The following GPR39 variants were observed in gnomAD, a reference collection of about 807,000 sequenced individuals.
GPR39 encodes G protein-coupled receptor 39, also known as zinc sensing receptor.
A neutral mutation model predicts 18.4 loss-of-function variants in GPR39; 23 were observed. That is an observed-to-expected ratio of 1.25 (90% CI 0.90 to 1.77). The LOEUF (loss-of-function observed/expected upper bound fraction) is 1.77. GPR39 is among the 40% of genes most tolerant of loss of function. GPR39 has a pLI of 0.00. For synonymous variants in GPR39, 280 were observed against 257.9 expected, an observed-to-expected ratio of 1.09 and a Z score of -0.82; for missense variants, 647 against 602.4, an observed-to-expected ratio of 1.07 and a Z score of -0.78.
In GPR39 at chr2:132,494,689, A is replaced by G. The variant is rs534881605; in HGVS notation, c.856+76791A>G. ...TCCTATTTCTAGCAGATCATATAAC[A>G]TCCAGGCATGGGTTTTTGTGTGAAT... On this transcript the variant is annotated intron_variant, in intron 1 of 1. Transcript: ENST00000329321. 2.6e-5 allele frequency among the ~76,000 whole-genome samples: 4 copies of G among 152,310 alleles called. No homozygotes were observed. In the South Asian group the frequency reaches 8.3e-4, roughly 32 times the overall value.
At chr2:132,488,871 G>C (rs914039118) in intron 1 of GPR39, 1 of 159,826 alleles carries the variant, frequency 6.3e-6, no homozygotes, top group African/African-American at 2.5e-5. Context: ...CTCCCTGCAA[G>C]GGAGGGTGGG....
chr2:132,509,533 CATACTT>C (rs1558820954), intron 1 of GPR39, among the ~76,000 whole-genome samples: 2 of 151,886 alleles, frequency 1.3e-5, no homozygotes, highest in African/African-American at 2.4e-5. Context: ...GACATAGAGA[CATACTT>C]ATAAGTAGTA....
At chr2:132,469,678 T>C (rs1232834260) in intron 1 of GPR39, among the ~76,000 whole-genome samples, 2 of 152,154 alleles carry the variant, frequency 1.3e-5, no homozygotes, top group Non-Finnish European at 2.9e-5. Flanking sequence ...ATCAGCAGCC[T>C]TCACTCCCGC....
chr2:132,506,735 C>T (rs1305284302), intron 1 of GPR39, among the ~76,000 whole-genome samples: 1 of 152,144 alleles, frequency 6.6e-6, no homozygotes. Context: ...ATCTAATTAC[C>T]TCCCACCAGA....
chr2:132,515,312 A>T (rs1027649281), intron 1 of GPR39, among the ~76,000 whole-genome samples: 16 of 152,214 alleles, frequency 1.1e-4, no homozygotes, highest in Non-Finnish European at 1.9e-4. Flanking sequence ...TTAGTTATTG[A>T]CTGACCATTT....
At chr2:132,584,719 G>A (rs914910880) in intron 1 of GPR39, among the ~76,000 whole-genome samples, 10 of 152,158 alleles carry the variant, frequency 6.6e-5, no homozygotes, top group Non-Finnish European at 7.3e-5. Context: ...ACACCGTTTC[G>A]AAAAGCAGGC....
At chr2:132,616,510 T>A (rs1207632969) in intron 1 of GPR39, among the ~76,000 whole-genome samples, 4 of 152,180 alleles carry the variant, frequency 2.6e-5, no homozygotes. Context: ...CTAGAGGTAA[T>A]GTGAAGGAAA....
At chr2:132,549,056 C>G (rs980345396) in intron 1 of GPR39, among the ~76,000 whole-genome samples, 1 of 152,114 alleles carries the variant, frequency 6.6e-6, no homozygotes, top group African/African-American at 2.4e-5. Context: ...TTCAGAGCAG[C>G]TAATATCCTC....
At chr2:132,435,911 C>T (rs1179790388) in intron 1 of GPR39, among the ~76,000 whole-genome samples, 1 of 152,082 alleles carries the variant, frequency 6.6e-6, no homozygotes, top group African/African-American at 2.4e-5. Context: ...GCTTTTCATT[C>T]CATTGTATGT....
At chr2:132,605,753 C>G (rs534291839) in intron 1 of GPR39, among the ~76,000 whole-genome samples, 1 of 152,138 alleles carries the variant, frequency 6.6e-6, no homozygotes, top group Non-Finnish European at 1.5e-5. Context: ...GGTGTTCAGT[C>G]GGCTGAGCAG....
In GPR39 at chr2:132,469,445, G is replaced by A. The variant is rs192425468; in HGVS notation, c.856+51547G>A. 5.3e-5 allele frequency among the ~76,000 whole-genome samples: 8 copies of A among 152,330 alleles called. No individual in the cohort carries two copies. In the East Asian group the frequency reaches 1.5e-3, roughly 29 times the overall value. On this transcript the variant is annotated intron_variant, in intron 1 of 1. Transcript: ENST00000329321. ...GAGTGCTTTTGGAATACATTACAGG[G>A]TAATTCCCTTTGCCCTTTATTGCCT...
chr2:132,508,148 A>G (rs1461442627), intron 1 of GPR39, among the ~76,000 whole-genome samples: 1 of 152,084 alleles, frequency 6.6e-6, no homozygotes, highest in African/African-American at 2.4e-5. Context: ...ATTAGCATAA[A>G]CTCAGATGCG....
At chr2:132,431,408 TAA>T (rs1258807212) in intron 1 of GPR39, among the ~76,000 whole-genome samples, 1 of 152,252 alleles carries the variant, frequency 6.6e-6, no homozygotes, top group Non-Finnish European at 1.5e-5. Flanking sequence ...TCTGGAAATC[TAA>T]AAAGTTATTT....
intron 1 of GPR39, among the ~76,000 whole-genome samples, chr2:132,513,418 G>C (rs1310552040): frequency 1.3e-5 from 2 of 151,526 alleles, no homozygotes; most frequent in Non-Finnish European, 2.9e-5. Flanking sequence ...AGCTGAGATC[G>C]CGCCACTGCA....
chr2:132,627,065 G>A (rs183741973), intron 1 of GPR39, among the ~76,000 whole-genome samples: 11 of 152,034 alleles, frequency 7.2e-5, no homozygotes, highest in Non-Finnish European at 1.3e-4. Context: ...TTGTTTTCCT[G>A]GTTTAGCAAC....
chr2:132,635,688 C>G (rs1558866414), intron 1 of GPR39, among the ~76,000 whole-genome samples: 1 of 152,140 alleles, frequency 6.6e-6, no homozygotes, highest in Non-Finnish European at 1.5e-5. Context: ...GAGTGCCATC[C>G]TATGCTGTGA....
intron 1 of GPR39, among the ~76,000 whole-genome samples, chr2:132,614,226 T>C (rs1681288732): frequency 6.6e-6 from 1 of 151,116 alleles, no homozygotes; most frequent in South Asian, 2.1e-4. Context: ...GTTTTTATTT[T>C]GACAGAGTCT....
At chr2:132,419,787 G>T (rs1001734141) in intron 1 of GPR39, among the ~76,000 whole-genome samples, 1 of 152,076 alleles carries the variant, frequency 6.6e-6, no homozygotes, top group Non-Finnish European at 1.5e-5. Flanking sequence ...TAAGAATTAG[G>T]GGGTAGATAA....
Position 132,646,275 on chromosome 2 carries a change from T to C in GPR39, c.*669T>C. The C allele has an allele frequency of 6.5e-7, 1 of 1,541,862 alleles. No individual in the cohort carries two copies. Among genetic ancestry groups the C allele is most frequent in the South Asian group, 1.3e-5 (1 of 79,374 alleles). On this transcript the variant is annotated 3_prime_UTR_variant, in exon 2 of 2. Transcript: ENST00000329321. The stretch of plus-strand genomic sequence containing the variant: ...GATGATGCACAGGACTTGCGGTACA[T>C]GATCCCTGTAACACAGACCCAAAGG...
Sources: allele counts gnomAD v4.1 joint callset (sites outside exome capture counted in the v4.1 genomes callset), GRCh38; gene constraint gnomAD v4.1.1; transcripts MANE v1.5; gene names NCBI Gene and HGNC (gene_info 2026-07-23, HGNC 2026-07-21).